Variants in DNMBP observed in about 807,000 individuals in gnomAD.
The protein encoded by DNMBP is dynamin-binding protein.
In DNMBP, 87 loss-of-function variants were observed where a neutral mutation model predicts 150.0. That is an observed-to-expected ratio of 0.58 (90% CI 0.49 to 0.69). The LOEUF (loss-of-function observed/expected upper bound fraction) is 0.69. Ranked by LOEUF, DNMBP falls within the 30% of genes least tolerant of loss-of-function variation. The pLI is 0.00. For synonymous variants in DNMBP, 711 were observed against 750.4 expected (o/e 0.95, Z 0.86); for missense variants, 1,774 against 1,949.0 (o/e 0.91, Z 1.69).
intron 1 of DNMBP, among the ~76,000 whole-genome samples, chr10:99,981,756 T>C (rs1041259037): frequency 6.6e-6 from 1 of 152,124 alleles, no homozygotes. Context: ...TGGCTTTCAG[T>C]TGGGTTCAGC....
chr10:99,889,945 C>T (rs773065208), intron 11 of DNMBP, among the ~76,000 whole-genome samples: 14 of 152,280 alleles, frequency 9.2e-5, no homozygotes, highest in South Asian at 6.2e-4. Context: ...ATGCTGTCAC[C>T]GTCTCAAAGA....
intron 3 of DNMBP, among the ~76,000 whole-genome samples, chr10:99,965,742 C>A (rs2040613595): frequency 6.6e-6 from 1 of 152,164 alleles, no homozygotes; most frequent in African/African-American, 2.4e-5. Flanking sequence ...GGTGATCCAC[C>A]CGCCTAGGCC....
rs35277675 is a variant in DNMBP at position 99,886,600 on chromosome 10, G to A, written c.3318C>T (p.Pro1106=). Residue 1106 remains proline (P), a synonymous_variant, in exon 13 of 17, where the codon CCC becomes CCT. Transcript: ENST00000324109. ...KERTERLVIS[P]LNQLLSMFTG... is the part of the protein sequence containing the mutation. ...TAAACATGCTCAGTAACTGATTTAAGGGGGAGATGACAAGCCGCTCTGTCC... is the reference window on the plus strand; with the variant it reads ...TAAACATGCTCAGTAACTGATTTAAAGGGGAGATGACAAGCCGCTCTGTCC... The A allele has an allele frequency of 5.4e-3, 8,757 of 1,613,992 alleles. 391 individuals carry two copies. The African/African-American group carries it at 0.097, about 18-fold the overall frequency.
At chr10:99,918,445 C>G (rs1304855483) in intron 4 of DNMBP, among the ~76,000 whole-genome samples, 1 of 152,102 alleles carries the variant, frequency 6.6e-6, no homozygotes, top group South Asian at 2.1e-4. Context: ...AAAATCCCTG[C>G]TGGGAGAAAT....
intron 1 of DNMBP, among the ~76,000 whole-genome samples, chr10:99,982,750 C>T (rs1474856190): frequency 6.6e-6 from 1 of 151,976 alleles, no homozygotes; most frequent in East Asian, 1.9e-4. Context: ...CCCAGGAGTT[C>T]GAGTCCAGAC....
At chr10:99,902,927 T>TAA (rs775080360) in intron 6 of DNMBP, among the ~76,000 whole-genome samples, 3 of 135,218 alleles carry the variant, frequency 2.2e-5, no homozygotes, top group South Asian at 2.4e-4. Flanking sequence ...ATTCTGTCTT[T>TAA]AAAAAAAAAA....
At chr10:99,880,643 T>C (rs2039352736) in intron 15 of DNMBP, among the ~76,000 whole-genome samples, 1 of 152,186 alleles carries the variant, frequency 6.6e-6, no homozygotes, top group South Asian at 2.1e-4. Flanking sequence ...AACAGATGCA[T>C]GCTCAGGAGG....
At chr10:99,898,893 C>A in intron 7 of DNMBP, 133 bp from the exon 8 acceptor site, 1 of 939,346 alleles carries the variant, frequency 1.1e-6, no homozygotes, top group Non-Finnish European at 1.6e-6. Context: ...ATTTAGTCTA[C>A]TAAAAAATGT....
In DNMBP at chr10:99,904,253, GA is replaced by G. The variant is rs374682243; in HGVS notation, c.2554+3741del. ...TTGGGAAATAGCGTGAGACTGTCTC[GA>G]AAAAAAAAGGAAAACACTGGACATG... On this transcript the variant is annotated intron_variant, in intron 6 of 16. Transcript: ENST00000324109. 5.4e-5 allele frequency among the ~76,000 whole-genome samples: 8 copies of G among 148,424 alleles called. No individual in the cohort carries two copies. In the South Asian group the frequency reaches 1.5e-3, roughly 28 times the overall value.
At chr10:99,944,073 GTAGT>G (rs1332380279) in intron 4 of DNMBP, among the ~76,000 whole-genome samples, 4 of 152,158 alleles carry the variant, frequency 2.6e-5, no homozygotes, top group Admixed American at 2.0e-4. Flanking sequence ...GACTCACTCT[GTAGT>G]TTGGCATCCA....
chr10:99,947,047 T>C (rs1344805355), intron 4 of DNMBP, among the ~76,000 whole-genome samples: 1 of 152,046 alleles, frequency 6.6e-6, no homozygotes, highest in African/African-American at 2.4e-5. Flanking sequence ...TCAGAATGGG[T>C]ATTAAAGTAA....
chr10:99,896,446 A>G (rs1315424454), intron 9 of DNMBP, 49 bp from the exon 10 acceptor site: 1 of 1,603,108 alleles, frequency 6.2e-7, no homozygotes. Context: ...GCATACTACA[A>G]AATGAGCCAT....
chr10:99,973,086 T>C (rs1253100735), intron 1 of DNMBP, among the ~76,000 whole-genome samples: 1 of 150,062 alleles, frequency 6.7e-6, no homozygotes, highest in Admixed American at 6.6e-5. Flanking sequence ...GCGGCATTTA[T>C]TTATTTATTT....
intron 1 of DNMBP, among the ~76,000 whole-genome samples, chr10:99,982,446 AAAAT>A (rs1209676265): frequency 3.9e-5 from 6 of 152,000 alleles, no homozygotes; most frequent in Non-Finnish European, 7.4e-5. Flanking sequence ...CCTGTCTCAA[AAAAT>A]AAATAAATAA....
chr10:99,900,775 TAC>T (rs1441585565), intron 6 of DNMBP, among the ~76,000 whole-genome samples: 1 of 152,024 alleles, frequency 6.6e-6, no homozygotes, highest in East Asian at 1.9e-4. Flanking sequence ...GGATTACAGG[TAC>T]ACACCACCAT....
intron 4 of DNMBP, among the ~76,000 whole-genome samples, chr10:99,943,881 G>A (rs1420158500): frequency 6.6e-6 from 1 of 152,112 alleles, no homozygotes; most frequent in Admixed American, 6.5e-5. Flanking sequence ...TAATCTACTG[G>A]CTGTCTTTAG....
intron 4 of DNMBP, among the ~76,000 whole-genome samples, chr10:99,953,819 A>AAAAAAAGAAAAAG (rs1229016312): frequency 4.5e-5 from 6 of 133,530 alleles, no homozygotes; most frequent in Non-Finnish European, 7.9e-5. Context: ...GTCTCAAAAA[A>AAAAAAAGAAAAAG]AAAAAGAAAA....
chr10:99,914,200 G>A, intron 4 of DNMBP: 1 of 1,054,712 alleles, frequency 9.5e-7, no homozygotes, highest in Non-Finnish European at 1.2e-6. Flanking sequence ...GCACCAGCGG[G>A]CCCAGCAGTA....
intron 2 of DNMBP, 140 bp downstream of exon 2, chr10:99,971,840 C>A: frequency 1.2e-6 from 1 of 866,984 alleles, no homozygotes; most frequent in East Asian, 2.6e-5. Flanking sequence ...GAATAATTTT[C>A]TTTCTTTCTT....
Sources: gnomAD v4.1 joint callset for allele counts (sites outside exome capture counted in the v4.1 genomes callset) on GRCh38, gnomAD v4.1.1 for gene constraint, MANE v1.5 for transcripts, NCBI Gene and HGNC (gene_info 2026-07-23, HGNC 2026-07-21) for gene names.